SLC26A7: variants seen among roughly 807,000 people sequenced by gnomAD.
The protein encoded by SLC26A7 is solute carrier family 26 member 7, also known as anion exchange transporter.
SLC26A7 carries 59 observed loss-of-function variants against 82.5 expected under a neutral mutation model. The ratio of observed to expected loss-of-function variants is 0.72; its 90% CI spans 0.58 to 0.89. The LOEUF is 0.89. Among genes scored for constraint, SLC26A7 ranks in the 40% least tolerant of loss-of-function variants. SLC26A7 has a pLI of 0.00. For synonymous variants in SLC26A7, 271 were observed against 274.3 expected (o/e 0.99, Z 0.12); for missense variants, 820 against 793.0 (o/e 1.03, Z -0.41).
At chr8:91,349,028 C>T (rs1813643196) in intron 9 of SLC26A7, among the ~76,000 whole-genome samples, 1 of 152,102 alleles carries the variant, frequency 6.6e-6, no homozygotes, top group South Asian at 2.1e-4. Flanking sequence ...TTTTACGAAT[C>T]CAAATTTCAG....
intron 2 of SLC26A7, among the ~76,000 whole-genome samples, chr8:91,250,551 T>A (rs920087020): frequency 1.3e-5 from 2 of 152,216 alleles, no homozygotes; most frequent in African/African-American, 4.8e-5. Context: ...GTGTATTTGT[T>A]TGCCTTAAAG....
At chr8:91,234,825 C>CTCCT (rs1267737133) in intron 2 of SLC26A7, among the ~76,000 whole-genome samples, 5 of 86,468 alleles carry the variant, frequency 5.8e-5, no homozygotes, top group Non-Finnish European at 7.3e-5. Flanking sequence ...ACCTACCTAC[C>CTCCT]TACTTCCTTC....
intron 2 of SLC26A7, among the ~76,000 whole-genome samples, chr8:91,288,743 C>G (rs11995427): frequency 0.025 from 3,746 of 152,232 alleles, 164 homozygotes; most frequent in African/African-American, 0.081. Context: ...AGGGGTAAAT[C>G]TTCTAGTCTC....
intron 11 of SLC26A7, among the ~76,000 whole-genome samples, chr8:91,361,045 T>C (rs969519394): frequency 2.0e-5 from 3 of 152,142 alleles, no homozygotes; most frequent in African/African-American, 7.2e-5. Context: ...AGCATTACAT[T>C]TGTAGATGAT....
At chr8:91,229,835 A>G (rs1481540518) in intron 2 of SLC26A7, among the ~76,000 whole-genome samples, 1 of 152,202 alleles carries the variant, frequency 6.6e-6, no homozygotes, top group Non-Finnish European at 1.5e-5. Flanking sequence ...ATGTTAGCAA[A>G]CAATGGATAC....
chr8:91,273,709 G>A (rs531314105), intron 2 of SLC26A7, among the ~76,000 whole-genome samples: 2 of 152,108 alleles, frequency 1.3e-5, no homozygotes, highest in East Asian at 3.9e-4. Flanking sequence ...ACTTGGAAAG[G>A]CCATCATTTG....
chr8:91,335,860 G>C (rs980341204), intron 6 of SLC26A7, among the ~76,000 whole-genome samples: 4 of 152,086 alleles, frequency 2.6e-5, no homozygotes, highest in Non-Finnish European at 4.4e-5. Flanking sequence ...AGTCGTTTAT[G>C]TTCTGCCAGT....
At chr8:91,384,940 A>C (rs903408781) in intron 15 of SLC26A7, among the ~76,000 whole-genome samples, 3 of 152,224 alleles carry the variant, frequency 2.0e-5, no homozygotes, top group Non-Finnish European at 4.4e-5. Flanking sequence ...ATCAACAGAA[A>C]ATACTTTCTT....
chr8:91,345,405 A>G (rs1813535696), intron 9 of SLC26A7, among the ~76,000 whole-genome samples: 1 of 152,214 alleles, frequency 6.6e-6, no homozygotes, highest in Non-Finnish European at 1.5e-5. Flanking sequence ...ACTTTGCACA[A>G]GTAACTTGAC....
intron 11 of SLC26A7, among the ~76,000 whole-genome samples, chr8:91,356,552 C>G (rs145652584): frequency 0.049 from 7,394 of 152,234 alleles, 236 homozygotes; most frequent in Non-Finnish European, 0.074. Flanking sequence ...TGTTCATATC[C>G]TTCACCCACT....
intron 5 of SLC26A7, among the ~76,000 whole-genome samples, chr8:91,323,615 C>G (rs191374008): frequency 7.1e-4 from 108 of 152,216 alleles, no homozygotes; most frequent in African/African-American, 2.5e-3. Context: ...TGTTCTGAGA[C>G]TTATTTTATC....
chr8:91,357,338 T>G (rs1443236649), intron 11 of SLC26A7: 1 of 152,178 alleles, frequency 6.6e-6, no homozygotes, highest in African/African-American at 2.4e-5. Context: ...CAAGTCTATA[T>G]CATATTTTGT....
chr8:91,240,065 T>C (rs1053766101), intron 2 of SLC26A7, among the ~76,000 whole-genome samples: 5 of 152,228 alleles, frequency 3.3e-5, no homozygotes, highest in Non-Finnish European at 5.9e-5. Flanking sequence ...ACTCTACTTA[T>C]CTAAATTCTT....
chr8:91,304,440 C>T (rs1162726256), intron 4 of SLC26A7, among the ~76,000 whole-genome samples: 3 of 152,176 alleles, frequency 2.0e-5, no homozygotes, highest in Non-Finnish European at 4.4e-5. Context: ...ATGCTTGCTT[C>T]CCCTTTGCCC....
intron 4 of SLC26A7, among the ~76,000 whole-genome samples, chr8:91,315,904 C>T (rs1411145010): frequency 5.3e-5 from 8 of 152,176 alleles, no homozygotes; most frequent in Admixed American, 5.2e-4. Flanking sequence ...CCTTACACAA[C>T]TCTACAAAAT....
chr8:91,327,171 G>A (rs1812955924), intron 5 of SLC26A7, among the ~76,000 whole-genome samples: 1 of 152,136 alleles, frequency 6.6e-6, no homozygotes, highest in Non-Finnish European at 1.5e-5. Context: ...ACCCAACCAT[G>A]TATGGTGAGG....
At chr8:91,328,768 G>A (rs1165169969) in intron 5 of SLC26A7, among the ~76,000 whole-genome samples, 5 of 152,104 alleles carry the variant, frequency 3.3e-5, no homozygotes, top group Admixed American at 6.6e-5. Flanking sequence ...GTGTGTATGT[G>A]TGTGTGTAAA....
chr8:91,220,642 G>A (rs1162342546), intron 2 of SLC26A7, among the ~76,000 whole-genome samples: 5 of 152,040 alleles, frequency 3.3e-5, no homozygotes, highest in Non-Finnish European at 5.9e-5. Context: ...GAGGATGATG[G>A]CTTCTAGCTT....
At chr8:91,239,398 ATATATATATATATG>A (rs1380617589) in intron 2 of SLC26A7, among the ~76,000 whole-genome samples, 5 of 104,334 alleles carry the variant, frequency 4.8e-5, no homozygotes, top group African/African-American at 1.9e-4. Flanking sequence ...AAAAAAAAAT[ATATATATATATATG>A]TATATGTATA....
Sources: allele counts gnomAD v4.1 joint callset (sites outside exome capture counted in the v4.1 genomes callset), GRCh38; gene constraint gnomAD v4.1.1; transcripts MANE v1.5; gene names NCBI Gene and HGNC (gene_info 2026-07-23, HGNC 2026-07-21).